Variants in PRR5L observed in about 807,000 individuals in gnomAD.
The protein encoded by PRR5L is proline-rich protein 5-like.
A neutral mutation model predicts 36.4 loss-of-function variants in PRR5L; 21 were observed. That is an observed-to-expected ratio of 0.58 (90% confidence interval 0.41 to 0.83). PRR5L has a LOEUF of 0.83. Ranked by LOEUF, PRR5L falls within the 40% of genes least tolerant of loss-of-function variation. The probability of loss-of-function intolerance (pLI) is 0.00; values close to 1 mark genes in which losing one functional copy is unlikely to be tolerated. For missense variants in PRR5L, 381 were observed against 473.3 expected (o/e 0.80, Z 1.81); for synonymous variants, 188 against 197.0 (o/e 0.95, Z 0.38).
intron 1 of PRR5L, among the ~76,000 whole-genome samples, chr11:36,359,016 C>A (rs112612986): frequency 0.016 from 2,450 of 152,258 alleles, 65 homozygotes; most frequent in African/African-American, 0.055. Flanking sequence ...AACGTGGACC[C>A]ACACTGACTT....
At chr11:36,391,883 T>A (rs2133544248) in intron 1 of PRR5L, among the ~76,000 whole-genome samples, 1 of 152,372 alleles carries the variant, frequency 6.6e-6, no homozygotes, top group South Asian at 2.1e-4. Context: ...GTAGTCACCC[T>A]ATTGTGCTAT....
intron 1 of PRR5L, among the ~76,000 whole-genome samples, chr11:36,297,945 T>G (rs1856330862): frequency 6.6e-6 from 1 of 152,254 alleles, no homozygotes; most frequent in African/African-American, 2.4e-5. Context: ...CCGTACTTGG[T>G]TAATGCTGTG....
Position 36,355,648 on chromosome 11 carries a change from C to G in PRR5L, c.-125-45349C>G, listed in dbSNP as rs188063625. Reference sequence around the variant, plus strand: ...CACTGCAACCTCTGCCTCCTGGGTTCAAGTGATTCTCCAGCCTCAGCCTCC... The same window carrying G: ...CACTGCAACCTCTGCCTCCTGGGTTGAAGTGATTCTCCAGCCTCAGCCTCC... On this transcript the variant is annotated intron_variant, in intron 1 of 8. Coordinates refer to ENST00000530639, the MANE Select transcript of PRR5L (RefSeq NM_001160167.2). Among the ~76,000 whole-genome samples, 591 of 150,104 alleles carry G rather than the reference C, an allele frequency of 3.9e-3. 5 individuals carry two copies. Among genetic ancestry groups the G allele is most frequent in the African/African-American group, 0.014 (567 of 40,744 alleles).
chr11:36,442,151 GCT>G (rs1858734703), intron 6 of PRR5L, among the ~76,000 whole-genome samples: 1 of 152,144 alleles, frequency 6.6e-6, no homozygotes, highest in African/African-American at 2.4e-5. Flanking sequence ...TTGTTCCACA[GCT>G]CTCTTATATT....
Position 36,463,040 on chromosome 11 carries a change from G to T in PRR5L, c.*304G>T, listed in dbSNP as rs1429926753. The T allele has an allele frequency of 3.6e-5, 11 of 305,586 alleles. No individual in the cohort carries two copies. Among genetic ancestry groups the T allele is most frequent in the African/African-American group, 2.1e-4 (10 of 46,614 alleles). The allele number at this position is 305,586 out of a possible 1,614,324, so 18.9% of individuals were successfully genotyped here. A position where few individuals can be genotyped will look rare whatever the true frequency, so the allele number is the denominator to read the frequency against. On this transcript the variant is annotated 3_prime_UTR_variant, in exon 9 of 9. Transcript: ENST00000530639. ...CTGGGCCTTTCTCCCTCCGATGTTG[G>T]ACTGCCTGATGCTCCCAATGACATA...
chr11:36,428,818 C>G (rs916964722), intron 4 of PRR5L, among the ~76,000 whole-genome samples: 1 of 152,098 alleles, frequency 6.6e-6, no homozygotes, highest in Non-Finnish European at 1.5e-5. Flanking sequence ...GGAAATGGAT[C>G]TACTAAATAT....
At chr11:36,376,397 A>G in intron 1 of PRR5L, 1 of 1,147,696 alleles carries the variant, frequency 8.7e-7, no homozygotes, top group Non-Finnish European at 1.1e-6. Flanking sequence ...ATGAGAGAGG[A>G]GGGAAACGTG....
rs972709769 is a variant in PRR5L, at chr11:36,391,296, G to A, written c.-125-9701G>A. The stretch of plus-strand genomic sequence containing the variant: ...GGAATTCATTTGCATTTTCCACTAA[G>A]TGCAGCATCTTCCTCTACCCACTGC... On this transcript the variant is annotated intron_variant, in intron 1 of 8. Coordinates refer to ENST00000530639, the MANE Select transcript of PRR5L (RefSeq NM_001160167.2). 2.0e-5 allele frequency among the ~76,000 whole-genome samples: 3 copies of A among 152,210 alleles called. No individual in the cohort carries two copies. In the South Asian group the frequency reaches 6.2e-4, roughly 31 times the overall value.
rs748921814 is a variant in PRR5L, at chr11:36,437,409, C to T, written c.377C>T (p.Ala126Val). 1 of 1,612,536 alleles carries T rather than the reference C, an allele frequency of 6.2e-7. No homozygotes were observed. Among genetic ancestry groups the T allele is most frequent in the Admixed American group, 1.7e-5 (1 of 60,032 alleles). The change falls in exon 6 of 9, where the codon GCT becomes GTT. Residue 126 changes from alanine to valine, a missense_variant. Ala to Val is a moderately conservative substitution (Grantham distance 64, BLOSUM62 0). Transcript: ENST00000530639. ...GGTGAAAATCGCATTGAGGTTCTGG[C>T]TGAAGTCTGGGACCACTTCTTCACT... ...CEGENRIEVLAEVWDHFFTET... is the reference protein window; with the variant it reads ...CEGENRIEVLVEVWDHFFTET...
chr11:36,460,585 T>C (rs542301088), intron 8 of PRR5L, among the ~76,000 whole-genome samples: 1 of 152,246 alleles, frequency 6.6e-6, no homozygotes, highest in Non-Finnish European at 1.5e-5. Context: ...TTGACACTGA[T>C]GTTAGCATTA....
chr11:36,453,447 T>G (rs2133627696), intron 8 of PRR5L, among the ~76,000 whole-genome samples: 1 of 152,322 alleles, frequency 6.6e-6, no homozygotes, highest in South Asian at 2.1e-4. Flanking sequence ...TTTTGCCAAA[T>G]TATAAAGCAA....
At chr11:36,374,687 A>C (rs2133516172) in intron 1 of PRR5L, among the ~76,000 whole-genome samples, 1 of 152,310 alleles carries the variant, frequency 6.6e-6, no homozygotes, top group East Asian at 1.9e-4. Context: ...TATCCTTTGA[A>C]TCCCAGCAGG....
chr11:36,403,006 G>T (rs1361997875), intron 2 of PRR5L, among the ~76,000 whole-genome samples: 1 of 152,218 alleles, frequency 6.6e-6, no homozygotes, highest in South Asian at 2.1e-4. Flanking sequence ...AGTTTCCTGC[G>T]ATCAGATCCC....
intron 4 of PRR5L, among the ~76,000 whole-genome samples, chr11:36,424,207 A>C (rs1335670035): frequency 6.6e-6 from 1 of 152,226 alleles, no homozygotes; most frequent in Admixed American, 6.5e-5. Context: ...GTTATTGCAC[A>C]TCAGTTGTGG....
chr11:36,385,756 C>T (rs1857446525), intron 1 of PRR5L, among the ~76,000 whole-genome samples: 1 of 152,182 alleles, frequency 6.6e-6, no homozygotes, highest in Non-Finnish European at 1.5e-5. Context: ...AAAGATTGGT[C>T]CTTAATAGAA....
intron 1 of PRR5L, among the ~76,000 whole-genome samples, chr11:36,360,066 CACACACACCCA>C (rs1857070009): frequency 5.2e-5 from 3 of 57,664 alleles, no homozygotes; most frequent in Non-Finnish European, 1.2e-4. Context: ...CACACACATA[CACACACACCCA>C]CACACACACA....
chr11:36,319,505 G>A (rs893057040), intron 1 of PRR5L, among the ~76,000 whole-genome samples: 2 of 152,282 alleles, frequency 1.3e-5, no homozygotes, highest in South Asian at 2.1e-4. Flanking sequence ...GGGTCATGTC[G>A]TCTCTATCAC....
chr11:36,452,546 C>A (rs1307303326), intron 8 of PRR5L, among the ~76,000 whole-genome samples: 3 of 152,218 alleles, frequency 2.0e-5, no homozygotes. Context: ...TCACTCATTC[C>A]TCCCAGGAGC....
chr11:36,385,345 G>A (rs1857438722), intron 1 of PRR5L, among the ~76,000 whole-genome samples: 2 of 152,334 alleles, frequency 1.3e-5, no homozygotes, highest in East Asian at 3.9e-4. Flanking sequence ...TAAATAAGAT[G>A]TGTGGTTATT....
Sources: allele counts gnomAD v4.1 joint callset (sites outside exome capture counted in the v4.1 genomes callset), GRCh38; gene constraint gnomAD v4.1.1; transcripts MANE v1.5; gene names NCBI Gene and HGNC (gene_info 2026-07-23, HGNC 2026-07-21).